The following COLQ variants were observed in gnomAD, a reference collection of about 807,000 sequenced individuals.
COLQ encodes the protein collagen like tail subunit of asymmetric acetylcholinesterase, also known as acetylcholinesterase collagenic tail peptide.
In COLQ, 48 loss-of-function variants were observed where a neutral mutation model predicts 69.0. The ratio of observed to expected loss-of-function variants is 0.70; its 90% CI spans 0.55 to 0.88. COLQ has a LOEUF of 0.88. COLQ is among the 40% of genes least tolerant of loss of function. COLQ has a pLI of 0.00. For synonymous variants in COLQ, 217 were observed against 211.2 expected, an observed-to-expected ratio of 1.03 and a Z score of -0.24; for missense variants, 618 against 594.6, an observed-to-expected ratio of 1.04 and a Z score of -0.41.
At chr3:15,517,435 T>C (rs1315505901) in intron 1 of COLQ, among the ~76,000 whole-genome samples, 1 of 152,148 alleles carries the variant, frequency 6.6e-6, no homozygotes, top group Admixed American at 6.5e-5. Context: ...CAAATTAAAC[T>C]GTGTGGAAGG....
chr3:15,457,575 T>C (rs1205361372), intron 13 of COLQ, among the ~76,000 whole-genome samples: 2 of 152,162 alleles, frequency 1.3e-5, no homozygotes, highest in African/African-American at 4.8e-5. Flanking sequence ...ATGTTATTTA[T>C]AGAGTGTGGA....
At chr3:15,454,621 C>A (rs546350997) in intron 15 of COLQ, among the ~76,000 whole-genome samples, 1 of 151,096 alleles carries the variant, frequency 6.6e-6, no homozygotes, top group Non-Finnish European at 1.5e-5. Context: ...TCCCGCCACC[C>A]ACTCTGCCCT....
intron 1 of COLQ, among the ~76,000 whole-genome samples, chr3:15,515,132 C>A (rs916829873): frequency 1.3e-5 from 2 of 152,184 alleles, no homozygotes; most frequent in Admixed American, 1.3e-4. Context: ...GATAAGTTCT[C>A]AGAGAGATGA....
intron 12 of COLQ, among the ~76,000 whole-genome samples, chr3:15,466,093 C>G (rs2125102932): frequency 6.6e-6 from 1 of 152,326 alleles, no homozygotes; most frequent in Middle Eastern, 3.4e-3. Flanking sequence ...TAAATGACAT[C>G]ATTAATGTGC....
At chr3:15,509,663 G>A (rs2062957384) in intron 1 of COLQ, among the ~76,000 whole-genome samples, 1 of 152,198 alleles carries the variant, frequency 6.6e-6, no homozygotes, top group Non-Finnish European at 1.5e-5. Context: ...GCCCTTCCCA[G>A]GCTCTCTCCT....
At chr3:15,484,920 A>T (rs933294059) in intron 3 of COLQ, among the ~76,000 whole-genome samples, 1 of 152,216 alleles carries the variant, frequency 6.6e-6, no homozygotes, top group African/African-American at 2.4e-5. Context: ...TTCTCTGTCC[A>T]GCTTTGTTCC....
chr3:15,488,071 G>C, intron 3 of COLQ, 135 bp downstream of exon 3: 1 of 673,866 alleles, frequency 1.5e-6, no homozygotes, highest in Non-Finnish European at 2.6e-6. Context: ...AGTGGCTTTG[G>C]AGCAGGAAGT....
chr3:15,469,411 C>T (rs1212693447), intron 11 of COLQ, among the ~76,000 whole-genome samples: 1 of 152,124 alleles, frequency 6.6e-6, no homozygotes, highest in Non-Finnish European at 1.5e-5. Flanking sequence ...CCATATTTTT[C>T]CTTTTTTATC....
At chr3:15,519,098 TA>T (rs2063101166) in intron 1 of COLQ, among the ~76,000 whole-genome samples, 1 of 152,100 alleles carries the variant, frequency 6.6e-6, no homozygotes, top group African/African-American at 2.4e-5. Context: ...GTGACTAAAT[TA>T]GGGGGGCAAA....
Position 15,488,437 on chromosome 3 carries a change from C to T in COLQ, c.220-130G>A, listed in dbSNP as rs78676221. 1,539 of 754,908 alleles carry T rather than the reference C, an allele frequency of 2.0e-3. 17 individuals carry two copies. The African/African-American group carries it at 0.021, about 10-fold the overall frequency. 46.8% of individuals were successfully genotyped at this position (754,908 alleles called of 1,614,324 possible). On this transcript the variant is annotated intron_variant, in intron 2 of 16. Transcript: ENST00000383788. ...CAGTTCCCTGACACCCCAATGACTG[C>T]CCCAAGAAGATGACACCTTGGGCTA...
Position 15,521,638 on chromosome 3 carries a change from C to T in COLQ, c.-13G>A. 6.2e-7 allele frequency: 1 copy of T among 1,614,070 alleles called. No homozygotes were observed. Among genetic ancestry groups the T allele is most frequent in the African/African-American group, 1.3e-5 (1 of 75,042 alleles). On this transcript the variant is annotated 5_prime_UTR_variant, in exon 1 of 17. Transcript: ENST00000383788. Reference sequence around the variant, plus strand: ...TCAGGACAACCATGCTGGCCAGGGTCTGGCGAGGGTCAAGTTAGAAAGGAG... The same window carrying T: ...TCAGGACAACCATGCTGGCCAGGGTTTGGCGAGGGTCAAGTTAGAAAGGAG...
intron 11 of COLQ, among the ~76,000 whole-genome samples, chr3:15,469,028 T>C (rs978553294): frequency 6.6e-6 from 1 of 152,202 alleles, no homozygotes; most frequent in African/African-American, 2.4e-5. Flanking sequence ...GATTAATTCA[T>C]GATAAAAATA....
Position 15,473,900 on chromosome 3 carries a change from A to G in COLQ, c.636+100T>C. 7.5e-7 allele frequency: 1 copy of G among 1,326,460 alleles called. No individual in the cohort carries two copies. Among genetic ancestry groups the G allele is most frequent in the Non-Finnish European group, 1.1e-6 (1 of 928,652 alleles). The allele number at this position is 1,326,460 out of a possible 1,614,324, so 82.2% of individuals were successfully genotyped here. ...AGAAGTTTCCATGGTTAAACCCACC[A>G]TCCCTGCCTGATAGACAAGGAGGCA... is the stretch of plus-strand genomic sequence containing the variant. On this transcript the variant is annotated intron_variant, in intron 10 of 16. Coordinates refer to ENST00000383788, the MANE Select transcript of COLQ (RefSeq NM_005677.4). The surrounding 1 kb of genome is among the most constrained non-coding windows in gnomAD (Gnocchi z 4.0).
chr3:15,507,755 T>A (rs1396621207), intron 1 of COLQ, among the ~76,000 whole-genome samples: 1 of 152,234 alleles, frequency 6.6e-6, no homozygotes, highest in Non-Finnish European at 1.5e-5. Context: ...GCACCTAGCC[T>A]TCAGCATGGT....
At chr3:15,462,117 C>T (rs1015077699) in intron 12 of COLQ, among the ~76,000 whole-genome samples, 5 of 152,104 alleles carry the variant, frequency 3.3e-5, no homozygotes, top group African/African-American at 4.8e-5. Context: ...TAACCTCCGC[C>T]TCCCGGGTTC....
intron 1 of COLQ, among the ~76,000 whole-genome samples, chr3:15,510,920 G>T (rs1179721185): frequency 6.6e-6 from 1 of 152,126 alleles, no homozygotes; most frequent in Admixed American, 6.5e-5. Context: ...AGATCTCTCA[G>T]CTAATGGGTT....
chr3:15,460,597 C>T (rs747447665), intron 12 of COLQ, among the ~76,000 whole-genome samples: 42 of 152,110 alleles, frequency 2.8e-4, no homozygotes, highest in African/African-American at 9.9e-4. Context: ...ACACTGCAGT[C>T]GGAGGAGACT....
intron 16 of COLQ, among the ~76,000 whole-genome samples, chr3:15,453,254 T>A (rs1201166021): frequency 6.6e-6 from 1 of 152,160 alleles, no homozygotes; most frequent in Non-Finnish European, 1.5e-5. Context: ...CTGAACAACA[T>A]AAATAGCCAC....
At chr3:15,493,436 C>A (rs940023944) in intron 1 of COLQ, among the ~76,000 whole-genome samples, 2 of 152,240 alleles carry the variant, frequency 1.3e-5, no homozygotes, top group Non-Finnish European at 2.9e-5. Flanking sequence ...CTTCCTCGAT[C>A]CCCTGTCCCC....
Sources: allele counts gnomAD v4.1 joint callset (sites outside exome capture counted in the v4.1 genomes callset), GRCh38; gene constraint gnomAD v4.1.1; non-coding constraint Gnocchi (gnomAD v3.1); transcripts MANE v1.5; gene names NCBI Gene and HGNC (gene_info 2026-07-23, HGNC 2026-07-21).